VAV2: variants seen among roughly 807,000 people sequenced by gnomAD.
VAV2 encodes the protein vav guanine nucleotide exchange factor 2.
A neutral mutation model predicts 132.5 loss-of-function variants in VAV2; 67 were observed. That is an observed-to-expected ratio of 0.51 (90% CI 0.42 to 0.62). The LOEUF is 0.62. Among genes scored for constraint, VAV2 ranks in the 20% least tolerant of loss-of-function variants. VAV2 has a pLI of 0.00. For missense variants in VAV2, 938 were observed against 1,153.6 expected, an observed-to-expected ratio of 0.81 and a Z score of 2.71; for synonymous variants, 492 against 443.5, an observed-to-expected ratio of 1.11 and a Z score of -1.37.
intron 1 of VAV2, among the ~76,000 whole-genome samples, chr9:133,984,975 CT>C (rs1842805074): frequency 1.3e-5 from 2 of 151,128 alleles, no homozygotes; most frequent in Admixed American, 6.6e-5. Context: ...TTTCTTTTTG[CT>C]TTTTTATTGC....
At chr9:133,796,594 G>A (rs1369787643) in intron 10 of VAV2, 70 bp from the exon 11 acceptor site, 6 of 1,402,448 alleles carry the variant, frequency 4.3e-6, no homozygotes, top group South Asian at 1.3e-5. Flanking sequence ...CTGTACCCCC[G>A]CCCACAGAGA....
At chr9:133,887,414 A>C (rs984492020) in intron 2 of VAV2, among the ~76,000 whole-genome samples, 5 of 152,090 alleles carry the variant, frequency 3.3e-5, no homozygotes, top group Non-Finnish European at 7.4e-5. Context: ...GCCCCAGGGA[A>C]TTCACAGGGC....
At chr9:133,850,603 G>T (rs1005011716) in intron 3 of VAV2, among the ~76,000 whole-genome samples, 5 of 152,226 alleles carry the variant, frequency 3.3e-5, no homozygotes, top group African/African-American at 1.2e-4. Context: ...ATCTGTAACG[G>T]GAGGGAATGA....
intron 1 of VAV2, among the ~76,000 whole-genome samples, chr9:133,982,423 A>G (rs1450590479): frequency 1.6e-5 from 2 of 126,032 alleles, no homozygotes; most frequent in African/African-American, 5.7e-5. Context: ...GGAGGCCACA[A>G]GAGGGGACCT....
intron 5 of VAV2, among the ~76,000 whole-genome samples, chr9:133,811,096 C>T (rs1835341209): frequency 6.6e-6 from 1 of 152,242 alleles, no homozygotes; most frequent in African/African-American, 2.4e-5. Context: ...GGAAGGCAAA[C>T]TGGAGGCCCT....
At chr9:133,806,507 A>ACACCCCGGGACCCCCATCCC (rs376779104) in intron 8 of VAV2, among the ~76,000 whole-genome samples, 1 of 152,110 alleles carries the variant, frequency 6.6e-6, no homozygotes, top group African/African-American at 2.4e-5. Context: ...TGCTCAGGCC[A>ACACCCCGGGACCCCCATCCC]CACCCCGGGA....
Position 133,788,505 on chromosome 9 carries a change from CG to C in VAV2, c.1275-20del. 2.5e-6 allele frequency: 4 copies of C among 1,601,254 alleles called. No individual in the cohort carries two copies. Among genetic ancestry groups the C allele is most frequent in the Non-Finnish European group, 3.4e-6 (4 of 1,169,974 alleles). On this transcript the variant is annotated intron_variant, in intron 14 of 29. Transcript: ENST00000371850. This position sits in a 1 kb window ranked among gnomAD's most constrained non-coding sequence, Gnocchi z 5.3. ...CAAGTACCTGGGCCAGGCAGCGCAG[CG>C]GGGGATCAGCACCCCAGCACTGTGT... is the stretch of plus-strand genomic sequence containing the variant.
rs1270185773 is a variant in VAV2, at chr9:133,935,078, G to T, written c.321+4025C>A. 6.8e-6 allele frequency among the ~76,000 whole-genome samples: 1 copy of T among 146,894 alleles called. No homozygotes were observed. The highest frequency in any genetic ancestry group is 1.5e-5 in the Non-Finnish European group (1 of 66,656). On this transcript the variant is annotated intron_variant, in intron 2 of 29. Coordinates refer to ENST00000371850, the MANE Select transcript of VAV2 (RefSeq NM_001134398.2). This position sits in a 1 kb window ranked among gnomAD's most constrained non-coding sequence, Gnocchi z 5.2. ...GTCAGTTCTGACTGCAGAGCTTTGTGTTCTGGGGAGAAACAGCTGCCACCC... is the reference window on the plus strand; with the variant it reads ...GTCAGTTCTGACTGCAGAGCTTTGTTTTCTGGGGAGAAACAGCTGCCACCC...
At chr9:133,783,475 G>A (rs1250651940) in intron 19 of VAV2, 28 bp downstream of exon 19, 5 of 1,524,234 alleles carry the variant, frequency 3.3e-6, no homozygotes, top group Non-Finnish European at 4.4e-6. Context: ...GCCAGGGACT[G>A]GGGTGGGGGG....
intron 1 of VAV2, among the ~76,000 whole-genome samples, chr9:133,970,362 G>T (rs1225949729): frequency 6.6e-6 from 1 of 152,200 alleles, no homozygotes. Context: ...GAGGCTGGGG[G>T]ATGGCACCAC....
At chr9:133,927,576 CA>C (rs2132095325) in intron 2 of VAV2, among the ~76,000 whole-genome samples, 1 of 152,302 alleles carries the variant, frequency 6.6e-6, no homozygotes, top group East Asian at 1.9e-4. Flanking sequence ...GCCACACACC[CA>C]CACCCAGCAC....
chr9:133,872,180 G>A (rs1464286593), intron 2 of VAV2, among the ~76,000 whole-genome samples: 3 of 147,486 alleles, frequency 2.0e-5, no homozygotes, highest in Non-Finnish European at 4.5e-5. Context: ...GAGACTGATC[G>A]TATGTGAACC....
chr9:133,960,542 T>C (rs1023330373), intron 1 of VAV2, among the ~76,000 whole-genome samples: 2 of 152,226 alleles, frequency 1.3e-5, no homozygotes, highest in Non-Finnish European at 2.9e-5. Context: ...CTCCGCTTAA[T>C]AGCGGCCGCC....
rs1189441446 is a variant in VAV2, at chr9:133,807,323, A to G, written c.670T>C (p.Tyr224His). 3.1e-6 allele frequency: 5 copies of G among 1,608,852 alleles called. No individual in the cohort carries two copies. Among genetic ancestry groups the G allele is most frequent in the Non-Finnish European group, 4.2e-6 (5 of 1,178,214 alleles). Reference protein sequence around the residue: ...YRTLEDIEKNYMSPLRLVLSP... With the variant: ...YRTLEDIEKNHMSPLRLVLSP... ...AGCACCAGCCGCAGGGGGCTCATGT[A>G]GTTCTGGAAGAGAGAAGTCCACCTC... Residue 224 changes from tyrosine to histidine, a missense_variant, in exon 8 of 30, where the codon TAC becomes CAC. Coordinates refer to ENST00000371850, the MANE Select transcript of VAV2 (RefSeq NM_001134398.2).
chr9:133,908,879 C>T (rs1564456505), intron 2 of VAV2, among the ~76,000 whole-genome samples: 1 of 152,236 alleles, frequency 6.6e-6, no homozygotes, highest in Non-Finnish European at 1.5e-5. Flanking sequence ...CAGGCACCCA[C>T]AATCTGGTGA....
At chr9:133,907,043 G>A (rs1839683159) in intron 2 of VAV2, among the ~76,000 whole-genome samples, 1 of 152,170 alleles carries the variant, frequency 6.6e-6, no homozygotes, top group Non-Finnish European at 1.5e-5. Flanking sequence ...TGGCTGGCCG[G>A]CGGCGGGGGG....
intron 1 of VAV2, among the ~76,000 whole-genome samples, chr9:133,986,749 C>T (rs970635324): frequency 6.6e-6 from 1 of 152,218 alleles, no homozygotes; most frequent in African/African-American, 2.4e-5. Context: ...TTGCAACCAG[C>T]ATTCCCTCCT....
At chr9:133,981,707 C>T (rs78660836) in intron 1 of VAV2, among the ~76,000 whole-genome samples, 6,612 of 152,328 alleles carry the variant, frequency 0.043, 339 homozygotes, top group African/African-American at 0.13. Context: ...CAAGAAGATG[C>T]TATGTGTGGC....
At chr9:133,904,579 G>A (rs535057444) in intron 2 of VAV2, among the ~76,000 whole-genome samples, 10 of 152,260 alleles carry the variant, frequency 6.6e-5, no homozygotes, top group Admixed American at 2.0e-4. Flanking sequence ...CACCAGGCAC[G>A]TGGGCACAGG....
Sources: allele counts gnomAD v4.1 joint callset (sites outside exome capture counted in the v4.1 genomes callset), GRCh38; gene constraint gnomAD v4.1.1; non-coding constraint Gnocchi (gnomAD v3.1); transcripts MANE v1.5; gene names NCBI Gene and HGNC (gene_info 2026-07-23, HGNC 2026-07-21).